The following OPN3 variants were observed in gnomAD, a reference collection of about 807,000 sequenced individuals.
OPN3 encodes opsin-3.
A neutral mutation model predicts 33.8 loss-of-function variants in OPN3; 29 were observed. The observed-to-expected ratio is 0.86, with a 90% CI of 0.64 to 1.17. The LOEUF is 1.17. Ranked by LOEUF, OPN3 falls within the 50% of genes most tolerant of loss-of-function variation. The pLI, the probability that OPN3 is intolerant of heterozygous loss-of-function variation, is 0.00. For synonymous variants in OPN3, 216 were observed against 216.1 expected (o/e 1.00, Z 0.00); for missense variants, 437 against 514.1 (o/e 0.85, Z 1.45).
intron 1 of OPN3, chr1:241,635,874 G>A: frequency 9.1e-7 from 1 of 1,101,992 alleles, no homozygotes. Context: ...CAGAAGCACT[G>A]AAGTTGCAGG....
intron 3 of OPN3, among the ~76,000 whole-genome samples, chr1:241,597,279 C>A (rs959522292): frequency 1.3e-5 from 2 of 152,182 alleles, no homozygotes; most frequent in South Asian, 2.1e-4. Context: ...AGGTTCAAAT[C>A]CTGGCACCAA....
intron 1 of OPN3, among the ~76,000 whole-genome samples, chr1:241,637,175 C>T (rs1477803924): frequency 1.3e-5 from 2 of 152,164 alleles, no homozygotes; most frequent in Admixed American, 1.3e-4. Flanking sequence ...GTTTTCACTA[C>T]TGTTAAACCT....
intron 1 of OPN3, among the ~76,000 whole-genome samples, chr1:241,623,681 C>A (rs1664328969): frequency 6.6e-6 from 1 of 152,220 alleles, no homozygotes; most frequent in Non-Finnish European, 1.5e-5. Context: ...CGATTTCTTT[C>A]CCTCTCTACC....
chr1:241,639,223 G>A (rs1665018076), intron 1 of OPN3: 1 of 152,196 alleles, frequency 6.6e-6, no homozygotes, highest in Non-Finnish European at 1.5e-5. Context: ...TCTCACCCAA[G>A]ATTCTGGTGT....
At chr1:241,630,954 T>C (rs1306379670) in intron 1 of OPN3, 1 of 152,118 alleles carries the variant, frequency 6.6e-6, no homozygotes, top group Non-Finnish European at 1.5e-5. Flanking sequence ...GCATTTTGCA[T>C]CTGTTGAGAA....
chr1:241,596,334 A>G (rs1409861158), intron 3 of OPN3, among the ~76,000 whole-genome samples: 1 of 152,224 alleles, frequency 6.6e-6, no homozygotes, highest in African/African-American at 2.4e-5. Context: ...AACAATTTCC[A>G]GGGTTTCAGT....
chr1:241,625,517 A>G (rs1664395348), intron 1 of OPN3, among the ~76,000 whole-genome samples: 2 of 152,236 alleles, frequency 1.3e-5, no homozygotes, highest in Non-Finnish European at 2.9e-5. Flanking sequence ...TTATTTTAAA[A>G]ATACCAAAAA....
intron 1 of OPN3, among the ~76,000 whole-genome samples, chr1:241,622,513 G>T (rs944227226): frequency 6.6e-6 from 1 of 152,220 alleles, no homozygotes; most frequent in South Asian, 2.1e-4. Context: ...CCCAACAATC[G>T]ATTACAATAG....
At chr1:241,612,959 CCACT>C (rs1414772838) in intron 1 of OPN3, among the ~76,000 whole-genome samples, 1 of 152,164 alleles carries the variant, frequency 6.6e-6, no homozygotes, top group Non-Finnish European at 1.5e-5. Flanking sequence ...CGCTCAGCAC[CCACT>C]CAATCATGGC....
intron 1 of OPN3, among the ~76,000 whole-genome samples, chr1:241,623,019 TG>T (rs1280780134): frequency 6.6e-6 from 1 of 151,980 alleles, no homozygotes; most frequent in Non-Finnish European, 1.5e-5. Context: ...CTCAAATCCC[TG>T]AGCTTTCAGA....
chr1:241,625,462 T>A (rs909365147), intron 1 of OPN3, among the ~76,000 whole-genome samples: 16 of 152,250 alleles, frequency 1.1e-4, no homozygotes, highest in African/African-American at 3.9e-4. Context: ...CTCTCATTTC[T>A]ATTAATATAA....
intron 2 of OPN3, 89 bp downstream of exon 2, chr1:241,604,171 T>C: frequency 8.2e-7 from 1 of 1,219,408 alleles, no homozygotes; most frequent in East Asian, 2.3e-5. Context: ...CAACTACTGA[T>C]GACATAGGAA....
At chr1:241,638,334 AG>A (rs1040747789) in intron 1 of OPN3, among the ~76,000 whole-genome samples, 1 of 152,210 alleles carries the variant, frequency 6.6e-6, no homozygotes, top group Non-Finnish European at 1.5e-5. Flanking sequence ...GAAAGAGGTG[AG>A]GAAGAGGGTG....
In OPN3 at chr1:241,624,256, A is replaced by G. The variant is rs569334698; in HGVS notation, c.373+15626T>C. On this transcript the variant is annotated intron_variant, in intron 1 of 3. Coordinates refer to ENST00000366554, the MANE Select transcript of OPN3 (RefSeq NM_014322.3). ...CTGTCCTGCCTCTCCACGCCAGGCCAGGCACTCTACGCTCCAGACACTGTG... is the reference window on the plus strand; with the variant it reads ...CTGTCCTGCCTCTCCACGCCAGGCCGGGCACTCTACGCTCCAGACACTGTG... Among the ~76,000 whole-genome samples the G allele has an allele frequency of 8.3e-4, 102 of 123,116 alleles. 1 individual carries two copies. Among genetic ancestry groups the G allele is most frequent in the African/African-American group, 3.3e-3 (97 of 29,262 alleles). The allele number at this position is 123,116 out of a possible 152,430, so 80.8% of individuals were successfully genotyped here.
chr1:241,630,005 A>C (rs1361976393), intron 1 of OPN3: 2 of 152,102 alleles, frequency 1.3e-5, no homozygotes, highest in African/African-American at 4.8e-5. Context: ...CACAGCAACC[A>C]GTTGGAATGT....
chr1:241,621,437 G>C (rs1257343346), intron 1 of OPN3, among the ~76,000 whole-genome samples: 1 of 152,150 alleles, frequency 6.6e-6, no homozygotes, highest in Non-Finnish European at 1.5e-5. Context: ...TATATTCCCT[G>C]CACATCTGTG....
At chr1:241,601,800 G>T (rs940978090) in intron 2 of OPN3, among the ~76,000 whole-genome samples, 2 of 152,346 alleles carry the variant, frequency 1.3e-5, no homozygotes, top group East Asian at 3.9e-4. Flanking sequence ...ATCAATAGTT[G>T]TGTGTTGGGG....
At chr1:241,626,242 A>C (rs1166439136) in intron 1 of OPN3, among the ~76,000 whole-genome samples, 1 of 152,190 alleles carries the variant, frequency 6.6e-6, no homozygotes, top group East Asian at 1.9e-4. Flanking sequence ...CAAGAGGATG[A>C]CATGGAAGAA....
chr1:241,609,113 A>G (rs1263785281), intron 1 of OPN3, among the ~76,000 whole-genome samples: 4 of 152,222 alleles, frequency 2.6e-5, no homozygotes, highest in African/African-American at 9.7e-5. Flanking sequence ...AACGCAAATA[A>G]AAACTACATG....
Sources: allele counts gnomAD v4.1 joint callset (sites outside exome capture counted in the v4.1 genomes callset), GRCh38; gene constraint gnomAD v4.1.1; transcripts MANE v1.5; gene names NCBI Gene and HGNC (gene_info 2026-07-23, HGNC 2026-07-21).